VWA5B1: variants seen among roughly 807,000 people sequenced by gnomAD.
The protein encoded by VWA5B1 is von Willebrand factor A domain-containing protein 5B1.
Under a neutral mutation model 118.2 loss-of-function variants are expected in VWA5B1, and 115 were observed. The observed-to-expected ratio is 0.97, with a 90% confidence interval of 0.84 to 1.14. The LOEUF is 1.14. Among genes scored for constraint, VWA5B1 ranks in the 50% most tolerant of loss-of-function variants. VWA5B1 has a pLI of 0.00. For synonymous variants in VWA5B1, 682 were observed against 658.4 expected, an observed-to-expected ratio of 1.04 and a Z score of -0.55; for missense variants, 1,596 against 1,603.8, an observed-to-expected ratio of 1.00 and a Z score of 0.08.
At chr1:20,296,988 C>G (rs1045514711) in intron 1 of VWA5B1, among the ~76,000 whole-genome samples, 1 of 152,198 alleles carries the variant, frequency 6.6e-6, no homozygotes, top group Non-Finnish European at 1.5e-5. Flanking sequence ...CGCCTCAGGT[C>G]GTTCATTAGT....
intron 14 of VWA5B1, among the ~76,000 whole-genome samples, chr1:20,341,693 C>G (rs1557439177): frequency 6.6e-6 from 1 of 152,192 alleles, no homozygotes. Context: ...TTTGTCATGA[C>G]TATTGCAAAT....
chr1:20,348,914 T>C (rs926152527), intron 18 of VWA5B1, among the ~76,000 whole-genome samples: 1 of 152,192 alleles, frequency 6.6e-6, no homozygotes, highest in Non-Finnish European at 1.5e-5. Context: ...GTGTCCTGCA[T>C]GGATGTGTGT....
chr1:20,340,554 C>G (rs567114182), intron 14 of VWA5B1, among the ~76,000 whole-genome samples: 29 of 152,308 alleles, frequency 1.9e-4, no homozygotes, highest in Admixed American at 1.6e-3. Context: ...GGAAAAGCCC[C>G]CATGGTTAAC....
chr1:20,355,832 C>G lies in VWA5B1; in HGVS notation c.*1569C>G, dbSNP rs2090220539. Among the ~76,000 whole-genome samples, 1 of 148,672 alleles carries G rather than the reference C, an allele frequency of 6.7e-6. No homozygotes were observed. The highest frequency in any genetic ancestry group is 2.2e-4 in the South Asian group (1 of 4,648). Reference sequence around the variant, plus strand: ...CCACCCCTCCATCTATGCCACAAGTCTCCCGCGAGGGATTCTCACAGCCCT... The same window carrying G: ...CCACCCCTCCATCTATGCCACAAGTGTCCCGCGAGGGATTCTCACAGCCCT... On this transcript the variant is annotated 3_prime_UTR_variant, in exon 22 of 22. Transcript: ENST00000289815.
At position 20,317,472 on chromosome 1, in the gene VWA5B1, G is replaced by T. The variant is rs957332433; in HGVS notation, c.564-58G>T. On this transcript the variant is annotated intron_variant, in intron 4 of 21. Coordinates refer to ENST00000289815, the MANE Select transcript of VWA5B1 (RefSeq NM_001039500.3). The stretch of plus-strand genomic sequence containing the variant: ...CATCGTCCTCTCCTTGTCTTCTCGC[G>T]CTGGACCCCTTCTTCCACCCTGGCT... 34 of 1,534,386 alleles carry T rather than the reference G, an allele frequency of 2.2e-5. No individual in the cohort carries two copies. The African/African-American group carries it at 4.1e-4, about 19-fold the overall frequency.
At chr1:20,299,495 C>T (rs2088467055) in intron 1 of VWA5B1, among the ~76,000 whole-genome samples, 1 of 152,222 alleles carries the variant, frequency 6.6e-6, no homozygotes, top group African/African-American at 2.4e-5. Flanking sequence ...GCTCCACTTC[C>T]CAGGTTCAAG....
In VWA5B1 at chr1:20,336,400, A is replaced by T. The variant is rs1420571880; in HGVS notation, c.1856A>T (p.Asp619Val). 6.5e-6 allele frequency: 10 copies of T among 1,528,824 alleles called. No individual in the cohort carries two copies. In the African/African-American group the frequency reaches 1.1e-4, roughly 17 times the overall value. 94.7% of individuals were successfully genotyped at this position (1,528,824 alleles called of 1,614,324 possible). A position where few individuals can be genotyped will look rare whatever the true frequency, so the allele number is the denominator to read the frequency against. Residue 619 changes from aspartate to valine, a missense_variant, in exon 13 of 22, where the codon GAC (aspartate) becomes GTC (valine). By Grantham distance (152) the Asp-to-Val change is radical. Transcript: ENST00000289815. ...QDDGPGLEGGDCAKNSGAPFI... is the reference protein window; with the variant it reads ...QDDGPGLEGGVCAKNSGAPFI... Reference sequence around the variant, plus strand: ...GACGGACCCGGGCTGGAAGGTGGAGACTGTGCCAAGAACTCGGGGGCACCC... The same window carrying T: ...GACGGACCCGGGCTGGAAGGTGGAGTCTGTGCCAAGAACTCGGGGGCACCC...
chr1:20,348,000 G>A lies in VWA5B1; in HGVS notation c.2765-245G>A, dbSNP rs763885379. Among the ~76,000 whole-genome samples, 6 of 152,122 alleles carry A rather than the reference G, an allele frequency of 3.9e-5. No homozygotes were observed. The East Asian group carries it at 7.7e-4, about 20-fold the overall frequency. ...CAGCAAGCTAGATATTATTATCCCC[G>A]TTTTCTAGATAAGGAGACTATGGCT... On this transcript the variant is annotated intron_variant, in intron 17 of 21. Coordinates refer to ENST00000289815, the MANE Select transcript of VWA5B1 (RefSeq NM_001039500.3).
chr1:20,336,659 T>A (rs968020400), intron 13 of VWA5B1, among the ~76,000 whole-genome samples, 173 bp downstream of exon 13: 10 of 152,168 alleles, frequency 6.6e-5, no homozygotes, highest in African/African-American at 2.4e-4. Context: ...TTGACTTAGC[T>A]CATAGAGCAA....
At chr1:20,306,118 C>CTG (rs1244876486) in intron 1 of VWA5B1, among the ~76,000 whole-genome samples, 1 of 151,992 alleles carries the variant, frequency 6.6e-6, no homozygotes, top group Admixed American at 6.6e-5. Flanking sequence ...GAGAGACATG[C>CTG]TATGGAAAAA....
At position 20,310,638 on chromosome 1, in the gene VWA5B1, C is replaced by T; in HGVS notation, c.37C>T (p.Leu13=). 1 of 1,550,180 alleles carries T rather than the reference C, an allele frequency of 6.5e-7. No homozygotes were observed. Among genetic ancestry groups the T allele is most frequent in the Non-Finnish European group, 8.7e-7 (1 of 1,146,362 alleles). ...GLLNWITGAA[L]PLTASDVTSC... Reference sequence around the variant, plus strand: ...GCTGAATTGGATCACGGGGGCAGCCCTGCCCCTCACCGCGTCTGATGTTAC... The same window carrying T: ...GCTGAATTGGATCACGGGGGCAGCCTTGCCCCTCACCGCGTCTGATGTTAC... The change falls in exon 2 of 22, where the codon CTG becomes TTG. Residue 13 remains leucine (L), a synonymous_variant. Coordinates refer to ENST00000289815, the MANE Select transcript of VWA5B1 (RefSeq NM_001039500.3).
chr1:20,308,406 T>C (rs1570073831), intron 1 of VWA5B1, among the ~76,000 whole-genome samples: 1 of 152,306 alleles, frequency 6.6e-6, no homozygotes. Context: ...GATCGCTGCA[T>C]GTCTGGGTGC....
chr1:20,303,476 G>A (rs1467615531), intron 1 of VWA5B1: 1 of 152,352 alleles, frequency 6.6e-6, no homozygotes, highest in Non-Finnish European at 1.5e-5. Context: ...GGGTTACTAA[G>A]GCAGATGCTA....
intron 1 of VWA5B1, 120 bp from the exon 2 acceptor site, chr1:20,310,456 T>G: frequency 9.7e-7 from 1 of 1,027,550 alleles, no homozygotes; most frequent in Admixed American, 3.6e-5. Flanking sequence ...ACTGGGAAGT[T>G]CTTGGGGAAA....
intron 9 of VWA5B1, among the ~76,000 whole-genome samples, chr1:20,329,956 A>T (rs1435589972): frequency 6.6e-6 from 1 of 152,320 alleles, no homozygotes; most frequent in East Asian, 1.9e-4. Flanking sequence ...GGAAAGGACA[A>T]CTGGTTGGTG....
intron 11 of VWA5B1, among the ~76,000 whole-genome samples, 174 bp downstream of exon 11, chr1:20,331,157 C>T (rs1330407775): frequency 3.3e-5 from 5 of 152,208 alleles, no homozygotes; most frequent in Non-Finnish European, 7.3e-5. Flanking sequence ...GCAGGCAACT[C>T]TTGAAGCAAT....
chr1:20,337,996 G>A (rs887192029), intron 14 of VWA5B1, 160 bp downstream of exon 14: 35 of 915,650 alleles, frequency 3.8e-5, no homozygotes, highest in South Asian at 7.1e-5. Context: ...CCTTACCTCC[G>A]AGGACACCTT....
rs765842530 is a variant in VWA5B1, at chr1:20,332,962, T to G, written c.1758+11T>G. 3.3e-5 allele frequency: 51 copies of G among 1,551,298 alleles called. No homozygotes were observed. The highest frequency in any genetic ancestry group is 4.3e-5 in the Non-Finnish European group (49 of 1,146,672). ...TCCAATCCCAGATCTGTAAGTATCC[T>G]AGAAATTCCACGGGTCCGTGTGGGC... is the stretch of plus-strand genomic sequence containing the variant. On this transcript the variant is annotated intron_variant, in intron 12 of 21. Transcript: ENST00000289815.
At chr1:20,304,240 G>A (rs960742986) in intron 1 of VWA5B1, among the ~76,000 whole-genome samples, 4 of 152,178 alleles carry the variant, frequency 2.6e-5, no homozygotes, top group African/African-American at 7.2e-5. Context: ...TGCAAGCCCG[G>A]AGGAGAGCGT....
Sources: allele counts gnomAD v4.1 joint callset (sites outside exome capture counted in the v4.1 genomes callset), GRCh38; gene constraint gnomAD v4.1.1; transcripts MANE v1.5; gene names NCBI Gene and HGNC (gene_info 2026-07-23, HGNC 2026-07-21).